Variants in SLC24A2 observed in about 807,000 individuals in gnomAD.
The protein encoded by SLC24A2 is solute carrier family 24 member 2.
SLC24A2 carries 36 observed loss-of-function variants against 62.0 expected under a neutral mutation model. The ratio of observed to expected loss-of-function variants is 0.58; its 90% confidence interval spans 0.44 to 0.77. The LOEUF (loss-of-function observed/expected upper bound fraction) is 0.77. Among genes scored for constraint, SLC24A2 ranks in the 30% least tolerant of loss-of-function variants. The pLI is 0.00. For synonymous variants in SLC24A2, 358 were observed against 294.0 expected (o/e 1.22, Z -2.23); for missense variants, 846 against 817.9 (o/e 1.03, Z -0.42).
the SLC24A2 span, among the ~76,000 whole-genome samples, chr9:19,902,371 G>A: frequency 7.2e-5 from 11 of 152,274 alleles, no homozygotes; most frequent in South Asian, 2.3e-3. Context: ...GGACATTTTA[G>A]ACAAGGAGAA....
chr9:20,035,038 T>C, the SLC24A2 span, among the ~76,000 whole-genome samples: 1 of 151,826 alleles, frequency 6.6e-6, no homozygotes, highest in African/African-American at 2.4e-5. Flanking sequence ...AATATATATA[T>C]ACTAGAAAAA....
chr9:19,961,417 C>A, the SLC24A2 span, among the ~76,000 whole-genome samples: 1 of 152,028 alleles, frequency 6.6e-6, no homozygotes, highest in Non-Finnish European at 1.5e-5. Context: ...GGGTTAAAAG[C>A]CTTTTTTTTC....
chr9:20,277,486 A>G, the SLC24A2 span, among the ~76,000 whole-genome samples: 3 of 151,862 alleles, frequency 2.0e-5, no homozygotes, highest in South Asian at 6.2e-4. Flanking sequence ...ACATGAAAAA[A>G]TGTTCATCAT....
the SLC24A2 span, among the ~76,000 whole-genome samples, chr9:20,023,846 G>A: frequency 1.3e-5 from 2 of 152,264 alleles, no homozygotes; most frequent in Admixed American, 6.5e-5. Flanking sequence ...AAAACTGATG[G>A]TTTTAAGGAT....
the SLC24A2 span, among the ~76,000 whole-genome samples, chr9:20,050,197 T>C: frequency 9.0e-6 from 1 of 111,546 alleles, no homozygotes; most frequent in Admixed American, 1.2e-4. Flanking sequence ...GTAAAATAAA[T>C]GAAACCAACC....
the SLC24A2 span, among the ~76,000 whole-genome samples, chr9:20,123,656 T>A: frequency 1.3e-5 from 2 of 152,218 alleles, no homozygotes; most frequent in Non-Finnish European, 2.9e-5. Flanking sequence ...TCATGTGGAC[T>A]GAGCTAATAT....
At chr9:19,577,069 A>G (rs1836038486) in intron 5 of SLC24A2, 47 bp from the exon 6 acceptor site, 6 of 1,505,296 alleles carry the variant, frequency 4.0e-6, no homozygotes, top group Non-Finnish European at 5.6e-6. Flanking sequence ...GAGAAAGAAG[A>G]GAGTCTCAGG....
At chr9:19,526,816 T>C (rs1324899784) in intron 9 of SLC24A2, among the ~76,000 whole-genome samples, 1 of 151,250 alleles carries the variant, frequency 6.6e-6, no homozygotes, top group Non-Finnish European at 1.5e-5. Context: ...TTTTTAATGG[T>C]GTTTCCTGAA....
the SLC24A2 span, among the ~76,000 whole-genome samples, chr9:19,820,054 T>TAC: frequency 1.8e-3 from 33 of 18,574 alleles, no homozygotes; most frequent in African/African-American, 2.6e-3. Flanking sequence ...TATATATATA[T>TAC]ACACATATAT....
the SLC24A2 span, among the ~76,000 whole-genome samples, chr9:19,922,074 A>G: frequency 6.6e-6 from 1 of 152,154 alleles, no homozygotes; most frequent in Non-Finnish European, 1.5e-5. Flanking sequence ...GTCCTTCTCC[A>G]AGCAGCTAGA....
chr9:19,636,808 G>A (rs998474074), intron 2 of SLC24A2, among the ~76,000 whole-genome samples: 2 of 152,068 alleles, frequency 1.3e-5, no homozygotes, highest in Non-Finnish European at 1.5e-5. Flanking sequence ...TTCTGACACC[G>A]TCTAGTTTTG....
upstream of SLC24A2, among the ~76,000 whole-genome samples, chr9:19,790,692 A>C (rs2118963383): frequency 6.6e-6 from 1 of 152,284 alleles, no homozygotes. Flanking sequence ...GAAAAGGAAA[A>C]CAATTGTGCA....
At chr9:19,772,044 C>T (rs1822705951) in intron 2 of SLC24A2, among the ~76,000 whole-genome samples, 1 of 152,142 alleles carries the variant, frequency 6.6e-6, no homozygotes, top group Admixed American at 6.5e-5. Flanking sequence ...AACTGCTTTG[C>T]TGGTAGGGCT....
chr9:19,569,877 G>C (rs72700497), intron 7 of SLC24A2, among the ~76,000 whole-genome samples: 8 of 152,242 alleles, frequency 5.3e-5, no homozygotes, highest in Non-Finnish European at 1.2e-4. Flanking sequence ...TTCTGCCTTT[G>C]TGGGTGCTGT....
the SLC24A2 span, among the ~76,000 whole-genome samples, chr9:20,268,419 G>A: frequency 6.6e-6 from 1 of 152,134 alleles, no homozygotes; most frequent in Non-Finnish European, 1.5e-5. Context: ...CCTTGTGAAT[G>A]GACTAATTTA....
At chr9:20,202,686 T>G in the SLC24A2 span, among the ~76,000 whole-genome samples, 1 of 152,076 alleles carries the variant, frequency 6.6e-6, no homozygotes, top group African/African-American at 2.4e-5. Context: ...GTTCTGGGAC[T>G]TGGAAGAAGA....
intron 10 of SLC24A2, among the ~76,000 whole-genome samples, chr9:19,517,625 A>G (rs1401030542): frequency 6.6e-6 from 1 of 152,116 alleles, no homozygotes; most frequent in East Asian, 1.9e-4. Flanking sequence ...CCTTGTGGGG[A>G]TCAATACCGG....
chr9:19,961,633 T>C, the SLC24A2 span, among the ~76,000 whole-genome samples: 3 of 152,238 alleles, frequency 2.0e-5, no homozygotes, highest in East Asian at 1.9e-4. Flanking sequence ...CTCTGTGTAA[T>C]ACTCTCTTCC....
chr9:20,237,660 G>A, the SLC24A2 span, among the ~76,000 whole-genome samples: 1 of 152,138 alleles, frequency 6.6e-6, no homozygotes, highest in Non-Finnish European at 1.5e-5. Flanking sequence ...CACTCACCTG[G>A]CACTGGGAAG....
Sources: allele counts gnomAD v4.1 joint callset (sites outside exome capture counted in the v4.1 genomes callset), GRCh38; gene constraint gnomAD v4.1.1; transcripts MANE v1.5; gene names NCBI Gene and HGNC (gene_info 2026-07-23, HGNC 2026-07-21).